Variants in GTF2F2 observed in about 807,000 individuals in gnomAD.
GTF2F2 encodes the protein general transcription factor IIF subunit 2, also known as ATP-dependent helicase GTF2F2.
GTF2F2 carries 23 observed loss-of-function variants against 42.2 expected under a neutral mutation model. The observed-to-expected ratio is 0.55, with a 90% confidence interval of 0.39 to 0.77. GTF2F2 has a LOEUF of 0.77. Among genes scored for constraint, GTF2F2 ranks in the 30% least tolerant of loss-of-function variants. The pLI is 0.00. For synonymous variants in GTF2F2, 105 were observed against 100.8 expected (o/e 1.04, Z -0.25); for missense variants, 261 against 287.2 (o/e 0.91, Z 0.66).
chr13:45,209,588 A>C (rs1873551656), intron 5 of GTF2F2, among the ~76,000 whole-genome samples: 2 of 152,148 alleles, frequency 1.3e-5, no homozygotes, highest in Non-Finnish European at 1.5e-5. Context: ...GACATGCACA[A>C]AGACATGGGG....
At chr13:45,252,847 AT>A (rs946577931) in intron 5 of GTF2F2, 23 bp from the exon 6 acceptor site, 2 of 959,184 alleles carry the variant, frequency 2.1e-6, no homozygotes, top group Admixed American at 2.5e-5. Context: ...AAGAGTGTTA[AT>A]AATGCCTTAT....
intron 1 of GTF2F2, among the ~76,000 whole-genome samples, chr13:45,135,974 T>A (rs1477583411): frequency 6.6e-6 from 1 of 152,256 alleles, no homozygotes; most frequent in African/African-American, 2.4e-5. Flanking sequence ...CCACTTTTCC[T>A]TTTTGGGAAT....
chr13:45,162,264 C>G (rs146526219), intron 4 of GTF2F2, among the ~76,000 whole-genome samples: 23 of 152,272 alleles, frequency 1.5e-4, no homozygotes, highest in Non-Finnish European at 2.9e-4. Flanking sequence ...ACAGGGCAGC[C>G]ATCTTCAAGT....
chr13:45,276,887 G>A (rs183824234), intron 7 of GTF2F2, among the ~76,000 whole-genome samples: 6 of 152,332 alleles, frequency 3.9e-5, no homozygotes, highest in African/African-American at 1.2e-4. Context: ...TAATTTACCA[G>A]CACACAAATA....
At chr13:45,185,756 A>C (rs1335446224) in intron 4 of GTF2F2, among the ~76,000 whole-genome samples, 3 of 152,166 alleles carry the variant, frequency 2.0e-5, no homozygotes, top group Admixed American at 6.6e-5. Flanking sequence ...AAATGCACTA[A>C]ATCATTTATG....
chr13:45,165,814 T>C (rs1359632384), intron 4 of GTF2F2, among the ~76,000 whole-genome samples: 1 of 144,030 alleles, frequency 6.9e-6, no homozygotes, highest in African/African-American at 2.6e-5. Context: ...TTCTTTTTTT[T>C]TTTTTTTTTT....
intron 4 of GTF2F2, among the ~76,000 whole-genome samples, chr13:45,189,464 T>C (rs1362935020): frequency 6.6e-6 from 1 of 152,258 alleles, no homozygotes; most frequent in Admixed American, 6.5e-5. Flanking sequence ...TCTAGATCCT[T>C]GAGGAATCAC....
At chr13:45,230,152 G>A (rs1168666185) in intron 5 of GTF2F2, among the ~76,000 whole-genome samples, 2 of 152,000 alleles carry the variant, frequency 1.3e-5, no homozygotes, top group Non-Finnish European at 2.9e-5. Context: ...TGAGGCGGAG[G>A]TTACAGTGAG....
At chr13:45,228,535 C>T (rs1376524391) in intron 5 of GTF2F2, among the ~76,000 whole-genome samples, 1 of 150,610 alleles carries the variant, frequency 6.6e-6, no homozygotes, top group Non-Finnish European at 1.5e-5. Context: ...TGTCTGCTTA[C>T]CATGCTCACA....
intron 4 of GTF2F2, among the ~76,000 whole-genome samples, chr13:45,162,821 G>A (rs931990860): frequency 6.6e-5 from 10 of 152,226 alleles, no homozygotes; most frequent in African/African-American, 2.4e-4. Flanking sequence ...CTACAGAAAA[G>A]TATAGTGAAT....
chr13:45,194,208 C>G (rs766239313), intron 4 of GTF2F2: 1 of 1,614,146 alleles, frequency 6.2e-7, no homozygotes, highest in Non-Finnish European at 8.5e-7. Flanking sequence ...CTGCCAGTCC[C>G]TTGAGCTGAA....
intron 5 of GTF2F2, among the ~76,000 whole-genome samples, chr13:45,223,840 A>G (rs576722937): frequency 6.6e-5 from 10 of 152,312 alleles, no homozygotes; most frequent in Admixed American, 5.9e-4. Flanking sequence ...TGTCTTGACA[A>G]TTATCTCTGT....
intron 7 of GTF2F2, among the ~76,000 whole-genome samples, chr13:45,272,432 A>AC (rs1451807546): frequency 7.1e-5 from 10 of 139,978 alleles, no homozygotes; most frequent in African/African-American, 2.9e-4. Context: ...TTTAAAAAAA[A>AC]AAAAAAAACA....
chr13:45,125,008 C>T (rs1042525021), intron 1 of GTF2F2, among the ~76,000 whole-genome samples: 6 of 152,190 alleles, frequency 3.9e-5, no homozygotes, highest in Non-Finnish European at 5.9e-5. Flanking sequence ...GACAGGCAAG[C>T]GCTTGGACAT....
At chr13:45,172,127 T>C (rs1361680825) in intron 4 of GTF2F2, among the ~76,000 whole-genome samples, 2 of 152,178 alleles carry the variant, frequency 1.3e-5, no homozygotes, top group Non-Finnish European at 2.9e-5. Context: ...AGGAGTGGAA[T>C]GTAGTGTGTG....
chr13:45,125,481 A>G (rs1868942290), intron 1 of GTF2F2, among the ~76,000 whole-genome samples: 3 of 151,890 alleles, frequency 2.0e-5, no homozygotes, highest in Non-Finnish European at 4.4e-5. Context: ...CACCACACCC[A>G]GCTAATTTTT....
At chr13:45,168,818 TCC>T (rs1871432840) in intron 4 of GTF2F2, among the ~76,000 whole-genome samples, 1 of 146,526 alleles carries the variant, frequency 6.8e-6, no homozygotes, top group African/African-American at 2.5e-5. Flanking sequence ...CTTCCTTCCT[TCC>T]TTCCTTCCCT....
At chr13:45,124,444 C>T (rs1261186557) in intron 1 of GTF2F2, among the ~76,000 whole-genome samples, 39 of 151,054 alleles carry the variant, frequency 2.6e-4, no homozygotes, top group Admixed American at 2.4e-3. Flanking sequence ...TGCCTGTAAT[C>T]GCAGCACTTT....
chr13:45,183,376 G>T (rs1872254461), intron 4 of GTF2F2, among the ~76,000 whole-genome samples: 1 of 152,172 alleles, frequency 6.6e-6, no homozygotes, highest in Non-Finnish European at 1.5e-5. Context: ...CTTTGCCATT[G>T]TTTAACTGTG....
Sources: allele counts gnomAD v4.1 joint callset (sites outside exome capture counted in the v4.1 genomes callset), GRCh38; gene constraint gnomAD v4.1.1; transcripts MANE v1.5; gene names NCBI Gene and HGNC (gene_info 2026-07-23, HGNC 2026-07-21).